The following TRANK1 variants were observed in gnomAD, a reference collection of about 807,000 sequenced individuals.
TRANK1 encodes the protein tetratricopeptide repeat and ankyrin repeat containing 1.
In TRANK1, 198 loss-of-function variants were observed where a neutral mutation model predicts 266.0. The observed-to-expected ratio is 0.74, with a 90% confidence interval of 0.66 to 0.84. TRANK1 has a LOEUF of 0.84. Among genes scored for constraint, TRANK1 ranks in the 40% least tolerant of loss-of-function variants. The pLI, the probability that TRANK1 is intolerant of heterozygous loss-of-function variation, is 0.00. For synonymous variants in TRANK1, 1,396 were observed against 1,384.1 expected, an observed-to-expected ratio of 1.01 and a Z score of -0.19; for missense variants, 3,326 against 3,634.6, an observed-to-expected ratio of 0.92 and a Z score of 2.18.
At chr3:36,906,807 C>T (rs1048944646) in intron 2 of TRANK1, among the ~76,000 whole-genome samples, 2 of 152,106 alleles carry the variant, frequency 1.3e-5, no homozygotes, top group African/African-American at 2.4e-5. Flanking sequence ...TGATTTTAGC[C>T]CCATTAGACT....
chr3:36,891,564 C>T (rs764112537), intron 7 of TRANK1, among the ~76,000 whole-genome samples: 10 of 152,102 alleles, frequency 6.6e-5, no homozygotes, highest in Non-Finnish European at 8.8e-5. Context: ...AGTGCTGCTA[C>T]GTGTGCTTGG....
At chr3:36,886,238 G>A (rs910407510) in intron 8 of TRANK1, among the ~76,000 whole-genome samples, 19 of 147,706 alleles carry the variant, frequency 1.3e-4, no homozygotes, top group Admixed American at 6.9e-4. Flanking sequence ...AAGTTCAAGC[G>A]ATTCTCCTGC....
rs6550436 is a variant in TRANK1 at position 36,869,440 on chromosome 3, A to C, written c.1078+4686T>G. ...GGTCTGTAAATTGGAATGTTCATTC[A>C]TCTGGATGTAAAACAACTCAAATCC... On this transcript the variant is annotated intron_variant, in intron 9 of 23. Coordinates refer to ENST00000645898, the MANE Select transcript of TRANK1 (RefSeq NM_001329998.2). Among the ~76,000 whole-genome samples the C allele has an allele frequency of 7.0e-3, 1,070 of 152,366 alleles. 13 individuals are homozygous for C. The highest frequency in any genetic ancestry group is 0.024 in the African/African-American group (997 of 41,588).
rs2080551206 is a variant in TRANK1, at chr3:36,944,882, G to T, written c.-73C>A. 5.9e-6 allele frequency: 8 copies of T among 1,364,832 alleles called. No homozygotes were observed. The highest frequency in any genetic ancestry group is 3.1e-5 in the East Asian group (1 of 32,196). 84.5% of individuals were successfully genotyped at this position (1,364,832 alleles called of 1,614,324 possible). A position where few individuals can be genotyped will look rare whatever the true frequency, so the allele number is the denominator to read the frequency against. On this transcript the variant is annotated 5_prime_UTR_variant, in exon 1 of 24. Transcript: ENST00000645898. ...CGCTTCCCTGTGGGCAGGGCGCGGC[G>T]GGCAGTGCGGAAGCCCGAAAGCTAC...
intron 17 of TRANK1, among the ~76,000 whole-genome samples, chr3:36,844,215 GTTTGTTT>G (rs561296802): frequency 7.0e-4 from 106 of 152,070 alleles, no homozygotes; most frequent in South Asian, 2.7e-3. Context: ...TGGTTTTTTA[GTTTGTTT>G]TTTGTTTTTT....
intron 5 of TRANK1, among the ~76,000 whole-genome samples, chr3:36,893,745 C>T (rs2079745137): frequency 1.3e-5 from 2 of 152,158 alleles, no homozygotes; most frequent in South Asian, 2.1e-4. Context: ...TAAGAATTCC[C>T]GGCTCTGTTA....
chr3:36,848,573 C>A (rs1021768154), intron 15 of TRANK1, among the ~76,000 whole-genome samples: 5 of 152,148 alleles, frequency 3.3e-5, no homozygotes, highest in Non-Finnish European at 5.9e-5. Flanking sequence ...AGTTTACTAC[C>A]TGCCTTAAGT....
At chr3:36,930,392 C>G (rs2125661519) in intron 1 of TRANK1, among the ~76,000 whole-genome samples, 1 of 152,186 alleles carries the variant, frequency 6.6e-6, no homozygotes, top group East Asian at 1.9e-4. Context: ...GCAGACTTTC[C>G]CGGTAGGAAC....
chr3:36,857,841 C>G lies in TRANK1; in HGVS notation c.1881G>C (p.Glu627Asp). 6.2e-7 allele frequency: 1 copy of G among 1,613,886 alleles called. No individual in the cohort carries two copies. Among genetic ancestry groups the G allele is most frequent in the Non-Finnish European group, 8.5e-7 (1 of 1,179,906 alleles). ...FDINFNLKNK[E>D]GKDARHRIKK... is the part of the protein sequence containing the mutation. ...TAATCCGGTGCCGTGCATCTTTGCC[C>G]TCTTTGTTCTTCAGATTGAAGTTGA... The change falls in exon 13 of 24, where the codon GAG becomes GAC. Residue 627 changes from glutamate (E) to aspartate (D), a missense_variant. Transcript: ENST00000645898. This position sits in a 1 kb window ranked among gnomAD's most constrained non-coding sequence, Gnocchi z 4.3.
At chr3:36,869,886 C>A (rs2079281116) in intron 9 of TRANK1, among the ~76,000 whole-genome samples, 1 of 152,206 alleles carries the variant, frequency 6.6e-6, no homozygotes, top group Non-Finnish European at 1.5e-5. Flanking sequence ...AGGACATTTC[C>A]ATCATCTAGG....
chr3:36,888,259 G>C (rs1302256094), intron 8 of TRANK1, among the ~76,000 whole-genome samples: 1 of 152,172 alleles, frequency 6.6e-6, no homozygotes, highest in Non-Finnish European at 1.5e-5. Context: ...TATATTCTAT[G>C]ATTCCAGTTA....
Position 36,855,635 on chromosome 3 carries a change from A to T in TRANK1, c.4087T>A (p.Cys1363Ser). The T allele has an allele frequency of 2.5e-6, 4 of 1,613,932 alleles. No homozygotes were observed. Among genetic ancestry groups the T allele is most frequent in the Non-Finnish European group, 3.4e-6 (4 of 1,179,866 alleles). The change falls in exon 13 of 24, where the codon TGT becomes AGT. Residue 1363 changes from cysteine (C) to serine (S), a missense_variant. Coordinates refer to ENST00000645898, the MANE Select transcript of TRANK1 (RefSeq NM_001329998.2). ...TCTTCAGTGAGTCTCCCATGGGGAC[A>T]GCTGAGGGCCTCAAAAGAACCCTTT... Reference protein sequence around the residue: ...FLKGSFEALSCPHGRLTEEVY... With the variant: ...FLKGSFEALSSPHGRLTEEVY...
At chr3:36,830,816 A>G in intron 22 of TRANK1, 57 bp downstream of exon 22, 2 of 1,504,400 alleles carry the variant, frequency 1.3e-6, no homozygotes, top group Non-Finnish European at 1.8e-6. Context: ...ACCCTGAGAA[A>G]TGTCCTCAGA....
intron 14 of TRANK1, 41 bp from the exon 15 acceptor site, chr3:36,851,897 C>T (rs1454668236): frequency 1.2e-5 from 19 of 1,549,038 alleles, no homozygotes; most frequent in Non-Finnish European, 1.6e-5. Flanking sequence ...ACAGAGAAAA[C>T]CCCAGTAAGC....
At chr3:36,864,736 C>G (rs561353660) in intron 9 of TRANK1, among the ~76,000 whole-genome samples, 2 of 152,266 alleles carry the variant, frequency 1.3e-5, no homozygotes, top group South Asian at 4.1e-4. Context: ...CCTCAAGAAG[C>G]CTTGTATACT....
At chr3:36,854,702 A>T (rs2079027989) in intron 13 of TRANK1, among the ~76,000 whole-genome samples, 1 of 152,158 alleles carries the variant, frequency 6.6e-6, no homozygotes, top group Non-Finnish European at 1.5e-5. Context: ...AGAAAGAGGG[A>T]AAAACTAAGA....
Position 36,864,338 on chromosome 3 carries a change from A to C in TRANK1, c.1221T>G (p.Arg407=), listed in dbSNP as rs1230094100. 1 of 1,530,872 alleles carries C rather than the reference A, an allele frequency of 6.5e-7. No individual in the cohort carries two copies. The highest frequency in any genetic ancestry group is 8.7e-7 in the Non-Finnish European group (1 of 1,144,798). 94.8% of individuals were successfully genotyped at this position (1,530,872 alleles called of 1,614,324 possible). ...AATTACCTTGCAGAGTAGAAAGGAG[A>C]CGCAAGAACCTCTGAACTACTTCCT... The part of the protein sequence containing the change: ...LKQEVVQRFL[R]LLSTLQEIPP... The change falls in exon 10 of 24, where the codon CGT becomes CGG. Residue 407 remains arginine (R), a synonymous_variant. Transcript: ENST00000645898.
intron 8 of TRANK1, among the ~76,000 whole-genome samples, chr3:36,887,571 C>T (rs2079625047): frequency 6.6e-6 from 1 of 152,162 alleles, no homozygotes; most frequent in Non-Finnish European, 1.5e-5. Flanking sequence ...CACACAAATT[C>T]GTAAATTTTC....
intron 18 of TRANK1, 127 bp from the exon 19 acceptor site, chr3:36,838,843 G>T (rs2078805423): frequency 1.1e-6 from 1 of 896,636 alleles, no homozygotes; most frequent in Non-Finnish European, 1.7e-6. Context: ...AATCTGAGAA[G>T]GAGGAGCAGG....
Sources: gnomAD v4.1 joint callset for allele counts (sites outside exome capture counted in the v4.1 genomes callset) on GRCh38, gnomAD v4.1.1 for gene constraint, Gnocchi (gnomAD v3.1) non-coding constraint, MANE v1.5 for transcripts, NCBI Gene and HGNC (gene_info 2026-07-23, HGNC 2026-07-21) for gene names.